LAMA1: variants seen among roughly 807,000 people sequenced by gnomAD.
LAMA1 encodes the protein laminin subunit alpha-1.
Under a neutral mutation model 348.7 loss-of-function variants are expected in LAMA1, and 219 were observed. The ratio of observed to expected loss-of-function variants is 0.63; its 90% CI spans 0.56 to 0.70. The LOEUF is 0.70. LAMA1 is among the 30% of genes least tolerant of loss of function. The pLI, the probability that LAMA1 is intolerant of heterozygous loss-of-function variation, is 0.00. For synonymous variants in LAMA1, 1,487 were observed against 1,491.0 expected (o/e 1.00, Z 0.06); for missense variants, 3,744 against 3,888.0 (o/e 0.96, Z 0.99).
intron 14 of LAMA1, 140 bp downstream of exon 14, chr18:7,034,339 T>C: frequency 1.4e-6 from 1 of 707,414 alleles, no homozygotes; most frequent in Non-Finnish European, 2.5e-6. Flanking sequence ...AACTTAATAA[T>C]TCTTAAGACA....
intron 1 of LAMA1, among the ~76,000 whole-genome samples, chr18:7,102,878 T>A (rs1305636500): frequency 6.6e-6 from 1 of 152,226 alleles, no homozygotes; most frequent in Admixed American, 6.5e-5. Flanking sequence ...TAAGGCTGAA[T>A]GGAATATTCA....
intron 1 of LAMA1, among the ~76,000 whole-genome samples, chr18:7,092,269 T>C (rs1461687987): frequency 3.9e-5 from 6 of 152,238 alleles, no homozygotes; most frequent in African/African-American, 1.4e-4. Flanking sequence ...AGAATTGTCT[T>C]CATTGTCTCC....
chr18:6,975,034 A>G lies in LAMA1; in HGVS notation c.6492T>C (p.Ser2164=), dbSNP rs1420060045. The stretch of plus-strand genomic sequence containing the variant: ...GCCGCATCTCCACTGCAAGGAAATC[A>G]GACTGGGGGGCGAGGAATGAACGGG... ...LLFYLGSSTA[S]DFLAVEMRRG... Residue 2164 remains serine, a splice_region_variant and synonymous_variant, in exon 46 of 63, where the codon TCT becomes TCC. Transcript: ENST00000389658. The G allele has an allele frequency of 1.2e-6, 2 of 1,613,724 alleles. No individual in the cohort carries two copies. The highest frequency in any genetic ancestry group is 1.7e-6 in the Non-Finnish European group (2 of 1,179,808).
chr18:6,962,138 T>A, intron 51 of LAMA1, 79 bp from the exon 52 acceptor site: 4 of 972,290 alleles, frequency 4.1e-6, no homozygotes, highest in Non-Finnish European at 6.7e-6. Context: ...ACAAAGCCAC[T>A]GGGCAAGGCA....
intron 1 of LAMA1, among the ~76,000 whole-genome samples, chr18:7,089,976 T>C (rs2058233370): frequency 6.6e-6 from 1 of 152,170 alleles, no homozygotes; most frequent in Admixed American, 6.5e-5. Context: ...TAAAATTAAG[T>C]ATACATGAAC....
Position 7,010,399 on chromosome 18 carries a change from A to T in LAMA1, c.3688-14T>A. 6.2e-7 allele frequency: 1 copy of T among 1,612,534 alleles called. No homozygotes were observed. Among genetic ancestry groups the T allele is most frequent in the Non-Finnish European group, 8.5e-7 (1 of 1,179,162 alleles). ...ATAGGCCATGAGCTATCAAATAATA[A>T]AGTGTTGTTTACTTCTCTGACAAAG... On this transcript the variant is annotated splice_polypyrimidine_tract_variant and intron_variant, in intron 25 of 62. Coordinates refer to ENST00000389658, the MANE Select transcript of LAMA1 (RefSeq NM_005559.4).
chr18:6,959,694 C>T, intron 53 of LAMA1: 1 of 596,216 alleles, frequency 1.7e-6, no homozygotes, highest in Non-Finnish European at 3.0e-6. Flanking sequence ...CTGCATTATG[C>T]TATTATTGCT....
intron 61 of LAMA1, among the ~76,000 whole-genome samples, chr18:6,944,839 T>G (rs1175658245): frequency 6.6e-6 from 1 of 152,190 alleles, no homozygotes; most frequent in Non-Finnish European, 1.5e-5. Context: ...ATGTACTTTT[T>G]GAAGATTCTT....
At chr18:7,114,125 GGA>G (rs1285393114) in intron 1 of LAMA1, among the ~76,000 whole-genome samples, 1 of 151,350 alleles carries the variant, frequency 6.6e-6, no homozygotes, top group Non-Finnish European at 1.5e-5. Context: ...CAGATTTTCA[GGA>G]GGTAAAATCA....
intron 1 of LAMA1, among the ~76,000 whole-genome samples, chr18:7,090,818 ATTTCT>A (rs2058237038): frequency 6.6e-6 from 1 of 152,116 alleles, no homozygotes; most frequent in South Asian, 2.1e-4. Flanking sequence ...TAACAAGTTG[ATTTCT>A]TTTCCCCCCT....
intron 3 of LAMA1, among the ~76,000 whole-genome samples, chr18:7,062,350 G>A (rs976149949): frequency 4.0e-5 from 6 of 151,850 alleles, no homozygotes; most frequent in Non-Finnish European, 7.3e-5. Flanking sequence ...CAAAGGTGAG[G>A]AAAGACACTG....
At chr18:7,090,086 C>T (rs962995605) in intron 1 of LAMA1, among the ~76,000 whole-genome samples, 1 of 152,162 alleles carries the variant, frequency 6.6e-6, no homozygotes, top group Non-Finnish European at 1.5e-5. Flanking sequence ...TCCTTATTCC[C>T]GGATCCTCTC....
intron 6 of LAMA1, among the ~76,000 whole-genome samples, chr18:7,045,468 C>A (rs1189524253): frequency 6.6e-6 from 1 of 151,814 alleles, no homozygotes; most frequent in Non-Finnish European, 1.5e-5. Context: ...AAAACTGTCT[C>A]TAAATAAATA....
At chr18:7,071,699 C>G (rs2058146676) in intron 3 of LAMA1, among the ~76,000 whole-genome samples, 1 of 152,194 alleles carries the variant, frequency 6.6e-6, no homozygotes, top group African/African-American at 2.4e-5. Context: ...CATTAGAACA[C>G]AAATTTATAT....
Position 6,986,152 on chromosome 18 carries a change from A to G in LAMA1, c.5364T>C (p.Asn1788=), listed in dbSNP as rs2057734188. ...TGAGACTCACACTGAATTCTCTCAG[A>G]TTAGCATTGACCATGAGCAGCAGGT... The part of the protein sequence containing the change: ...SNHLLLMVNA[N]LREFSDKKLH... Residue 1788 remains asparagine (N), a synonymous_variant, in exon 37 of 63, where the codon AAT becomes AAC. Coordinates refer to ENST00000389658, the MANE Select transcript of LAMA1 (RefSeq NM_005559.4). The G allele has an allele frequency of 1.2e-6, 2 of 1,614,098 alleles. No individual in the cohort carries two copies.
At chr18:7,076,218 T>C (rs986864493) in intron 3 of LAMA1, among the ~76,000 whole-genome samples, 4 of 152,166 alleles carry the variant, frequency 2.6e-5, no homozygotes, top group African/African-American at 9.7e-5. Context: ...TAGATCTGAA[T>C]GTCAGTGAGA....
chr18:7,034,447 C>T (rs1262910405), intron 14 of LAMA1, 32 bp downstream of exon 14: 4 of 1,495,344 alleles, frequency 2.7e-6, no homozygotes, highest in East Asian at 2.3e-5. Flanking sequence ...AGTACCTTCA[C>T]CGTAAGTTTT....
intron 11 of LAMA1, chr18:7,038,587 T>C: frequency 1.6e-6 from 1 of 642,978 alleles, no homozygotes; most frequent in Non-Finnish European, 2.8e-6. Context: ...TAGTGCCACA[T>C]CATCCTGTTT....
At chr18:6,948,137 A>G (rs1600339392) in intron 60 of LAMA1, among the ~76,000 whole-genome samples, 1 of 152,186 alleles carries the variant, frequency 6.6e-6, no homozygotes, top group African/African-American at 2.4e-5. Context: ...AACCTGGGGA[A>G]ACTATAGATG....
Sources: gnomAD v4.1 joint callset for allele counts (sites outside exome capture counted in the v4.1 genomes callset) on GRCh38, gnomAD v4.1.1 for gene constraint, MANE v1.5 for transcripts, NCBI Gene and HGNC (gene_info 2026-07-23, HGNC 2026-07-21) for gene names.